Variants in NINL observed in about 807,000 individuals in gnomAD.
NINL encodes the protein ninein like, also known as ninein-like protein.
In NINL, 153 loss-of-function variants were observed where a neutral mutation model predicts 160.3. The ratio of observed to expected loss-of-function variants is 0.95; its 90% CI spans 0.84 to 1.09. The LOEUF (loss-of-function observed/expected upper bound fraction) is 1.09. Among genes scored for constraint, NINL ranks in the 50% least tolerant of loss-of-function variants. The probability of loss-of-function intolerance (pLI) is 0.00; values close to 1 mark genes in which losing one functional copy is unlikely to be tolerated. For synonymous variants in NINL, 800 were observed against 734.8 expected (o/e 1.09, Z -1.43); for missense variants, 1,829 against 1,764.0 (o/e 1.04, Z -0.66).
At chr20:25,470,851 A>G (rs1038573248) in intron 17 of NINL, among the ~76,000 whole-genome samples, 39 of 152,170 alleles carry the variant, frequency 2.6e-4, no homozygotes, top group African/African-American at 9.4e-4. Context: ...AAAGATCACC[A>G]GTGAAGTAGC....
intron 3 of NINL, among the ~76,000 whole-genome samples, chr20:25,517,295 G>A (rs1159522733): frequency 2.0e-5 from 3 of 151,924 alleles, no homozygotes; most frequent in East Asian, 1.9e-4. Context: ...CTCCTGACAC[G>A]GGGCCATCTG....
At chr20:25,516,521 G>A (rs2064163041) in intron 3 of NINL, among the ~76,000 whole-genome samples, 2 of 152,188 alleles carry the variant, frequency 1.3e-5, no homozygotes, top group Admixed American at 6.5e-5. Flanking sequence ...CATGCACCAA[G>A]GAGAAGGACC....
Position 25,498,283 on chromosome 20 carries a change from C to T in NINL, c.1096G>A (p.Glu366Lys), listed in dbSNP as rs555836329. ...LLELTWALDN[E>K]LMTVDSAVQQ... ...ACGGCACTGTCCACTGTCATGAGCT[C>T]GTTGTCAAGGGCCCAGGTCAGCTCC... The change falls in exon 9 of 24, where the codon GAG (glutamate) becomes AAG (lysine). Residue 366 changes from glutamate to lysine, a missense_variant. Coordinates refer to ENST00000278886, the MANE Select transcript of NINL (RefSeq NM_025176.6). 1.1e-5 allele frequency: 18 copies of T among 1,613,318 alleles called. No individual in the cohort carries two copies. The highest frequency in any genetic ancestry group is 5.3e-5 in the African/African-American group (4 of 74,910).
intron 1 of NINL, among the ~76,000 whole-genome samples, chr20:25,531,508 AT>A (rs1030589312): frequency 3.5e-4 from 53 of 152,342 alleles, no homozygotes; most frequent in African/African-American, 1.1e-3. Flanking sequence ...GTAAGAAATT[AT>A]AAAAGTATTA....
At position 25,500,907 on chromosome 20, in the gene NINL, G is replaced by A; in HGVS notation, c.965C>T (p.Ala322Val). The change falls in exon 8 of 24, where the codon GCT (alanine) becomes GTT (valine). Residue 322 changes from alanine (A) to valine (V), a missense_variant. By Grantham distance (64) the Ala-to-Val change is moderately conservative (BLOSUM62 0). Transcript: ENST00000278886. ...CATGGCCAGGACCTGATCAGGAAAA[G>A]CGAAGCCAGAACCATCGTCAATGCT... The part of the protein sequence containing the change: ...FSSIDDGSGF[A>V]FPDQVLAMWT... 6.2e-7 allele frequency: 1 copy of A among 1,614,238 alleles called. No homozygotes were observed.
chr20:25,487,770 C>T (rs1463692786), intron 13 of NINL, among the ~76,000 whole-genome samples: 1 of 152,242 alleles, frequency 6.6e-6, no homozygotes, highest in African/African-American at 2.4e-5. Context: ...TTTTCTTCTA[C>T]ACAGAATTTT....
chr20:25,462,189 A>C (rs954503327), intron 20 of NINL, among the ~76,000 whole-genome samples, 194 bp downstream of exon 20: 9 of 152,136 alleles, frequency 5.9e-5, no homozygotes, highest in African/African-American at 2.2e-4. Flanking sequence ...GCAGCATATA[A>C]AGCTATTCTG....
At chr20:25,498,454 G>C (rs1453903344) in intron 8 of NINL, 108 bp from the exon 9 acceptor site, 2 of 1,406,236 alleles carry the variant, frequency 1.4e-6, no homozygotes, top group East Asian at 4.9e-5. Context: ...GCTGTCCCAG[G>C]CAGCACCTGC....
chr20:25,526,008 A>C (rs1187355463), intron 2 of NINL, among the ~76,000 whole-genome samples: 2 of 152,206 alleles, frequency 1.3e-5, no homozygotes, highest in Non-Finnish European at 2.9e-5. Flanking sequence ...CAAACTGTGA[A>C]ATTGTGTAAG....
chr20:25,560,228 T>C (rs1265251650), intron 1 of NINL, among the ~76,000 whole-genome samples: 1 of 152,210 alleles, frequency 6.6e-6, no homozygotes, highest in Non-Finnish European at 1.5e-5. Context: ...GGATTACAGA[T>C]ATAAGCCACC....
chr20:25,537,518 G>A (rs968000739), intron 1 of NINL, among the ~76,000 whole-genome samples: 32 of 152,236 alleles, frequency 2.1e-4, no homozygotes, highest in African/African-American at 7.7e-4. Flanking sequence ...GAGGTGTGAA[G>A]TTCATTATGG....
chr20:25,478,999 T>C lies in NINL; in HGVS notation c.2125A>G (p.Met709Val), dbSNP rs1014824234. Residue 709 changes from methionine to valine, a missense_variant, in exon 16 of 24, where the codon ATG (methionine) becomes GTG (valine). Physicochemically the swap from Met to Val is conservative, Grantham distance 21 (BLOSUM62 1). Transcript: ENST00000278886. The part of the protein sequence containing the change: ...DTARGPEPEQ[M>V]GLAPCCTQAL... ...TGGGTGCAGCAGGGTGCCAGGCCCA[T>C]CTGCTCAGGCTCGGGGCCGCGGGCT... 2.4e-5 allele frequency: 39 copies of C among 1,606,972 alleles called. No homozygotes were observed. Among genetic ancestry groups the C allele is most frequent in the Non-Finnish European group, 3.3e-5 (39 of 1,179,270 alleles).
chr20:25,576,451 T>C (rs1361943598), intron 1 of NINL, among the ~76,000 whole-genome samples: 1 of 152,126 alleles, frequency 6.6e-6, no homozygotes, highest in Non-Finnish European at 1.5e-5. Context: ...GAGAAGTTTA[T>C]TCATTTTTAT....
rs779858488 is a variant in NINL, at chr20:25,453,407, T to G, written c.*44A>C. ...ATCTAAGGCAGCACAGTGGCTTAAT[T>G]TAAAAGATGTGCTTTCGAATGAATC... is the stretch of plus-strand genomic sequence containing the variant. On this transcript the variant is annotated 3_prime_UTR_variant, in exon 24 of 24. Coordinates refer to ENST00000278886, the MANE Select transcript of NINL (RefSeq NM_025176.6). 4.5e-6 allele frequency: 7 copies of G among 1,538,668 alleles called. No homozygotes were observed. The East Asian group carries it at 1.6e-4, about 35-fold the overall frequency.
chr20:25,476,325 C>G lies in NINL; in HGVS notation c.2966G>C (p.Gly989Ala), dbSNP rs775687175. Residue 989 changes from glycine to alanine, a missense_variant, in exon 17 of 24, where the codon GGC becomes GCC. By Grantham distance (60) the Gly-to-Ala change is moderately conservative (BLOSUM62 0). Transcript: ENST00000278886. The part of the protein sequence containing the change: ...QEERARSWSR[G>A]TQEQASEQQA... Reference sequence around the variant, plus strand: ...CTGCTCCGAGGCCTGCTCCTGGGTGCCCCTGCTCCAGCTTCGTGCTCGCTC... The same window carrying G: ...CTGCTCCGAGGCCTGCTCCTGGGTGGCCCTGCTCCAGCTTCGTGCTCGCTC... 1 of 1,612,936 alleles carries G rather than the reference C, an allele frequency of 6.2e-7. No individual in the cohort carries two copies. The highest frequency in any genetic ancestry group is 1.1e-5 in the South Asian group (1 of 91,076).
Position 25,504,010 on chromosome 20 carries a change from G to A in NINL, c.803C>T (p.Ala268Val), listed in dbSNP as rs760489764. 82 of 1,613,772 alleles carry A rather than the reference G, an allele frequency of 5.1e-5. No homozygotes were observed. In the Middle Eastern group the frequency reaches 6.6e-4, roughly 13 times the overall value. The change falls in exon 7 of 24, where the codon GCG (alanine) becomes GTG (valine). Residue 268 changes from alanine (A) to valine (V), a missense_variant. Coordinates refer to ENST00000278886, the MANE Select transcript of NINL (RefSeq NM_025176.6). ...FQLGLFSHEP[A>V]LLLESSTRVK... Reference sequence around the variant, plus strand: ...CCGAGTGGAAGACTCTAGAAGTAGCGCGGGCTCATGACTGAAGAGGCCAAG... The same window carrying A: ...CCGAGTGGAAGACTCTAGAAGTAGCACGGGCTCATGACTGAAGAGGCCAAG...
At chr20:25,470,171 G>C (rs962380036) in intron 17 of NINL, 76 bp from the exon 18 acceptor site, 22 of 1,163,286 alleles carry the variant, frequency 1.9e-5, no homozygotes, top group Non-Finnish European at 2.8e-5. Context: ...TCTGCAGCGG[G>C]GAGTCCTGAG....
chr20:25,570,411 G>C (rs1048119355), intron 1 of NINL, among the ~76,000 whole-genome samples: 1 of 152,052 alleles, frequency 6.6e-6, no homozygotes, highest in Non-Finnish European at 1.5e-5. Context: ...TTAAAGGCAT[G>C]TGGCACCTCC....
intron 2 of NINL, among the ~76,000 whole-genome samples, chr20:25,520,867 A>G (rs2064251742): frequency 6.6e-6 from 1 of 152,240 alleles, no homozygotes; most frequent in Admixed American, 6.5e-5. Flanking sequence ...CAGTTATAAG[A>G]AAAATACAAA....
Sources: allele counts gnomAD v4.1 joint callset (sites outside exome capture counted in the v4.1 genomes callset), GRCh38; gene constraint gnomAD v4.1.1; transcripts MANE v1.5; gene names NCBI Gene and HGNC (gene_info 2026-07-23, HGNC 2026-07-21).